Variants in TCEA3 observed in about 807,000 individuals in gnomAD.
TCEA3 encodes the protein transcription elongation factor A3.
In TCEA3, 36 loss-of-function variants were observed where a neutral mutation model predicts 44.0. That is an observed-to-expected ratio of 0.82 (90% CI 0.63 to 1.08). The LOEUF is 1.08. Among genes scored for constraint, TCEA3 ranks in the 50% least tolerant of loss-of-function variants. The probability of loss-of-function intolerance (pLI) is 0.00; values close to 1 mark genes in which losing one functional copy is unlikely to be tolerated. For synonymous variants in TCEA3, 162 were observed against 159.7 expected (o/e 1.01, Z -0.11); for missense variants, 392 against 441.2 (o/e 0.89, Z 1.00).
rs189461169 is a variant in TCEA3, at chr1:23,402,117, G to A, written c.444-4162C>T. ...GCACTTTGGCAGATCGAGGTGGGAGGATCACTTTGGTCAGGAGTTTGAGAC... is the reference window on the plus strand; with the variant it reads ...GCACTTTGGCAGATCGAGGTGGGAGAATCACTTTGGTCAGGAGTTTGAGAC... On this transcript the variant is annotated intron_variant, in intron 5 of 10. Coordinates refer to ENST00000450454, the MANE Select transcript of TCEA3 (RefSeq NM_003196.3). Among the ~76,000 whole-genome samples the A allele has an allele frequency of 3.3e-3, 498 of 152,230 alleles. 1 individual carries two copies. The highest frequency in any genetic ancestry group is 4.8e-3 in the Admixed American group (73 of 15,296).
At chr1:23,391,127 T>C (rs1046855485) in intron 8 of TCEA3, among the ~76,000 whole-genome samples, 32 of 150,570 alleles carry the variant, frequency 2.1e-4, no homozygotes, top group Non-Finnish European at 3.8e-4. Context: ...TGTTTTTTTT[T>C]CTTTTTTTCT....
At chr1:23,420,593 G>A (rs894369627) in intron 1 of TCEA3, among the ~76,000 whole-genome samples, 3 of 152,166 alleles carry the variant, frequency 2.0e-5, no homozygotes, top group Non-Finnish European at 4.4e-5. Flanking sequence ...TTATGGATAG[G>A]TTCCAGTTTG....
chr1:23,417,586 C>T (rs972132269), intron 3 of TCEA3, among the ~76,000 whole-genome samples, 196 bp from the exon 4 acceptor site: 1 of 152,208 alleles, frequency 6.6e-6, no homozygotes, highest in African/African-American at 2.4e-5. Context: ...CACATGGGGA[C>T]ATTAATACAT....
intron 4 of TCEA3, among the ~76,000 whole-genome samples, chr1:23,413,353 C>A (rs996366410): frequency 3.3e-5 from 5 of 151,888 alleles, no homozygotes; most frequent in African/African-American, 1.2e-4. Flanking sequence ...GTCTCTAACT[C>A]CTGAGCTCAA....
intron 4 of TCEA3, among the ~76,000 whole-genome samples, chr1:23,410,631 A>T (rs1192970141): frequency 6.6e-6 from 1 of 151,800 alleles, no homozygotes; most frequent in African/African-American, 2.4e-5. Context: ...GTGAAACCCC[A>T]TCTCTACTAA....
chr1:23,384,534 C>G lies in TCEA3; in HGVS notation c.967-117G>C, dbSNP rs1004916245. The G allele has an allele frequency of 4.9e-6, 5 of 1,029,270 alleles. No individual in the cohort carries two copies. In the South Asian group the frequency reaches 5.1e-5, roughly 10 times the overall value. The allele number at this position is 1,029,270 out of a possible 1,614,324, so 63.8% of individuals were successfully genotyped here. A position where few individuals can be genotyped will look rare whatever the true frequency, so the allele number is the denominator to read the frequency against. Reference sequence around the variant, plus strand: ...GAGGTTGGCACTGAGATTCCCACCCCCCGCTGGCAATTTCCTTATCACTGA... The same window carrying G: ...GAGGTTGGCACTGAGATTCCCACCCGCCGCTGGCAATTTCCTTATCACTGA... On this transcript the variant is annotated intron_variant, in intron 9 of 10. Transcript: ENST00000450454.
chr1:23,386,831 C>T (rs1558020185), intron 9 of TCEA3, among the ~76,000 whole-genome samples: 1 of 152,220 alleles, frequency 6.6e-6, no homozygotes, highest in Non-Finnish European at 1.5e-5. Context: ...CGCCATTCTC[C>T]TGCCTCAGCC....
chr1:23,418,779 T>G (rs984528190), intron 2 of TCEA3, among the ~76,000 whole-genome samples: 3 of 152,118 alleles, frequency 2.0e-5, no homozygotes, highest in African/African-American at 7.2e-5. Flanking sequence ...CCCTGGATCA[T>G]TGGCCTCTTG....
At chr1:23,402,726 C>T (rs1639434217) in intron 5 of TCEA3, among the ~76,000 whole-genome samples, 1 of 152,192 alleles carries the variant, frequency 6.6e-6, no homozygotes. Flanking sequence ...TCGTCTGCCT[C>T]CATCTCCAGA....
At chr1:23,399,136 G>GTGTA (rs1553167272) in intron 5 of TCEA3, among the ~76,000 whole-genome samples, 41 of 58,658 alleles carry the variant, frequency 7.0e-4, no homozygotes, top group African/African-American at 1.5e-3. Flanking sequence ...TTATATATAT[G>GTGTA]TATATATGTA....
intron 10 of TCEA3, among the ~76,000 whole-genome samples, chr1:23,382,852 C>T (rs1638703543): frequency 6.6e-6 from 1 of 152,140 alleles, no homozygotes; most frequent in African/African-American, 2.4e-5. Context: ...ACCAGTAGGC[C>T]ACTATACTGG....
In TCEA3 at chr1:23,417,979, C is replaced by T; in HGVS notation, c.163G>A (p.Val55Ile). The T allele has an allele frequency of 6.2e-7, 1 of 1,614,062 alleles. No homozygotes were observed. The highest frequency in any genetic ancestry group is 8.5e-7 in the Non-Finnish European group (1 of 1,179,906). The change falls in exon 3 of 11, where the codon GTC becomes ATC. Residue 55 changes from valine to isoleucine, a missense_variant. By Grantham distance (29) the Val-to-Ile change is conservative (BLOSUM62 3). Transcript: ENST00000450454. Reference sequence around the variant, plus strand: ...TCCTTGTCTGAGCAGTGCTTGCGGACCCCATTAACAGCAACTCCAATCCTG... The same window carrying T: ...TCCTTGTCTGAGCAGTGCTTGCGGATCCCATTAACAGCAACTCCAATCCTG... ...TTRIGVAVNGVRKHCSDKEVV... is the reference protein window; with the variant it reads ...TTRIGVAVNGIRKHCSDKEVV...
chr1:23,424,068 T>C (rs1238075290), intron 1 of TCEA3, among the ~76,000 whole-genome samples: 1 of 151,572 alleles, frequency 6.6e-6, no homozygotes, highest in Non-Finnish European at 1.5e-5. Context: ...CTTTTACTTC[T>C]CTCCCGCAGA....
intron 1 of TCEA3, among the ~76,000 whole-genome samples, chr1:23,422,602 C>T (rs546950919): frequency 4.7e-4 from 72 of 152,256 alleles, no homozygotes; most frequent in Middle Eastern, 3.4e-3. Context: ...CCACCTTTCT[C>T]GGCCAGACGC....
chr1:23,397,496 G>T (rs770043340), intron 7 of TCEA3, 49 bp downstream of exon 7: 1 of 1,571,274 alleles, frequency 6.4e-7, no homozygotes, highest in Admixed American at 1.7e-5. Context: ...TTGGATGGGT[G>T]CTGCTAGACG....
chr1:23,390,289 C>T (rs192483214), intron 8 of TCEA3, among the ~76,000 whole-genome samples: 9 of 152,014 alleles, frequency 5.9e-5, no homozygotes, highest in Admixed American at 2.0e-4. Context: ...GCCAACATGG[C>T]GAAACTTCGT....
intron 5 of TCEA3, among the ~76,000 whole-genome samples, chr1:23,399,967 T>C (rs1334576715): frequency 1.3e-5 from 2 of 152,156 alleles, no homozygotes; most frequent in Non-Finnish European, 2.9e-5. Context: ...TGAGCTACTG[T>C]GCCCGGCCAA....
chr1:23,396,105 G>C (rs945127318), intron 7 of TCEA3, among the ~76,000 whole-genome samples: 3 of 152,170 alleles, frequency 2.0e-5, no homozygotes, highest in African/African-American at 4.8e-5. Flanking sequence ...CATTAAATGA[G>C]AGTAGAGAGA....
At chr1:23,404,993 C>T (rs888769750) in intron 5 of TCEA3, among the ~76,000 whole-genome samples, 21 of 152,054 alleles carry the variant, frequency 1.4e-4, no homozygotes, top group Middle Eastern at 3.4e-3. Flanking sequence ...ATATGAAAAT[C>T]TAGGTGTCTG....
Sources: gnomAD v4.1 joint callset for allele counts (sites outside exome capture counted in the v4.1 genomes callset) on GRCh38, gnomAD v4.1.1 for gene constraint, MANE v1.5 for transcripts, NCBI Gene and HGNC (gene_info 2026-07-23, HGNC 2026-07-21) for gene names.